The following ZNF99 variants were observed in gnomAD, a reference collection of about 807,000 sequenced individuals.
ZNF99 encodes the protein zinc finger protein ENSP00000375192.
ZNF99 carries 8 observed loss-of-function variants against 12.8 expected under a neutral mutation model. The observed-to-expected ratio is 0.62, with a 90% CI of 0.37 to 1.13. The LOEUF is 1.13. ZNF99 is among the 50% of genes most tolerant of loss of function. ZNF99 has a pLI of 0.02. For missense variants in ZNF99, 1,007 were observed against 1,006.2 expected, an observed-to-expected ratio of 1.00 and a Z score of -0.01; for synonymous variants, 318 against 319.0, an observed-to-expected ratio of 1.00 and a Z score of 0.03.
In ZNF99 at chr19:22,752,810, AT is replaced by A. The variant is rs764470153; in HGVS notation, c.*4503del. The A allele has an allele frequency of 3.9e-5, 6 of 152,190 alleles. No individual in the cohort carries two copies. Among genetic ancestry groups the A allele is most frequent in the Non-Finnish European group, 7.4e-5 (5 of 67,990 alleles). The allele number at this position is 152,190 out of a possible 1,614,324, so 9.4% of individuals were successfully genotyped here. Reference sequence around the variant, plus strand: ...GCACAACTAATATAATACATCACTAATTTAATTTTAATTTTAACTAAAATTT... The same window carrying A: ...GCACAACTAATATAATACATCACTAATTAATTTTAATTTTAACTAAAATTT... On this transcript the variant is annotated 3_prime_UTR_variant, in exon 4 of 4. Transcript: ENST00000596209.
intron 1 of ZNF99, chr19:22,769,847 A>G: frequency 1.5e-6 from 2 of 1,316,144 alleles, no homozygotes; most frequent in Non-Finnish European, 2.0e-6. Flanking sequence ...CAGAAGATCC[A>G]CAACACCAGC....
In ZNF99 at chr19:22,756,624, C is replaced by A. The variant is rs191061145; in HGVS notation, c.*690G>T. ...CTTTGCCACATTCTTCACATTTGTACGGTTTCTCCCCAGTATGAATTATCT... is the reference window on the plus strand; with the variant it reads ...CTTTGCCACATTCTTCACATTTGTAAGGTTTCTCCCCAGTATGAATTATCT... On this transcript the variant is annotated 3_prime_UTR_variant, in exon 4 of 4. Transcript: ENST00000596209. 1.9e-6 allele frequency: 3 copies of A among 1,575,464 alleles called. No homozygotes were observed. The highest frequency in any genetic ancestry group is 2.6e-6 in the Non-Finnish European group (3 of 1,165,000).
At chr19:22,767,389 CAAAT>C (rs2082197343) in intron 3 of ZNF99, among the ~76,000 whole-genome samples, 2 of 152,028 alleles carry the variant, frequency 1.3e-5, no homozygotes, top group Admixed American at 6.6e-5. Flanking sequence ...AGCACTGAGT[CAAAT>C]AGTCTGTAAG....
rs369826412 is a variant in ZNF99 at position 22,764,949 on chromosome 19, T to C, written c.226+3356A>G. Among the ~76,000 whole-genome samples the C allele has an allele frequency of 9.2e-5, 14 of 152,268 alleles. No homozygotes were observed. In the South Asian group the frequency reaches 2.7e-3, roughly 29 times the overall value. On this transcript the variant is annotated intron_variant, in intron 3 of 3. Transcript: ENST00000596209. Reference sequence around the variant, plus strand: ...GTGGAGATTCCTAAAGAACTAAAAGTTGTACTACCATTTGATCCAGCAATC... The same window carrying C: ...GTGGAGATTCCTAAAGAACTAAAAGCTGTACTACCATTTGATCCAGCAATC...
chr19:22,761,206 C>T (rs1342736079), intron 3 of ZNF99, among the ~76,000 whole-genome samples: 1 of 151,690 alleles, frequency 6.6e-6, no homozygotes, highest in Non-Finnish European at 1.5e-5. Context: ...GGAACACAGA[C>T]CACTATAAAA....
At position 22,754,551 on chromosome 19, in the gene ZNF99, CT is replaced by C. The variant is rs756786421; in HGVS notation, c.*2762del. The C allele has an allele frequency of 4.7e-6, 2 of 426,774 alleles. No homozygotes were observed. The highest frequency in any genetic ancestry group is 3.5e-5 in the South Asian group (2 of 57,670). The allele number at this position is 426,774 out of a possible 1,614,324, so 26.4% of individuals were successfully genotyped here. On this transcript the variant is annotated 3_prime_UTR_variant, in exon 4 of 4. Transcript: ENST00000596209. ...GTATGAGTTGAAGACCAGTTAAAGA[CT>C]TTGTTACATTCTTCACATTTGTCGG...
intron 3 of ZNF99, among the ~76,000 whole-genome samples, chr19:22,760,323 A>T (rs16999598): frequency 6.6e-6 from 1 of 152,152 alleles, no homozygotes; most frequent in African/African-American, 2.4e-5. Context: ...CCATCTCCTG[A>T]TTTCATTTCT....
chr19:22,770,012 A>G, intron 1 of ZNF99: 1 of 1,346,150 alleles, frequency 7.4e-7, no homozygotes, highest in Non-Finnish European at 9.9e-7. Context: ...CTCAAATTTT[A>G]ATGTGTACAA....
At chr19:22,766,431 T>C (rs35425009) in intron 3 of ZNF99, among the ~76,000 whole-genome samples, 52,788 of 150,398 alleles carry the variant, frequency 0.35, 9,784 homozygotes, top group African/African-American at 0.5. Context: ...CCTACGCCTC[T>C]GGGTTCAAGT....
chr19:22,779,182 A>AG (rs1353283133), intron 1 of ZNF99, among the ~76,000 whole-genome samples: 1 of 152,130 alleles, frequency 6.6e-6, no homozygotes, highest in Non-Finnish European at 1.5e-5. Flanking sequence ...CCTATCACAT[A>AG]GCCAGACACA....
In ZNF99 at chr19:22,754,427, ATTATC is replaced by A. The variant is rs1568380739; in HGVS notation, c.*2882_*2886del. On this transcript the variant is annotated 3_prime_UTR_variant, in exon 4 of 4. Transcript: ENST00000596209. ...TTTGTAGAATTTCTCTACAACATAA[ATTATC>A]TTATGTGTAATAAGGGTTGAAATGT... 7 of 404,504 alleles carry A rather than the reference ATTATC, an allele frequency of 1.7e-5. No homozygotes were observed. The highest frequency in any genetic ancestry group is 3.2e-5 in the Admixed American group (1 of 31,516). 25.1% of individuals were successfully genotyped at this position (404,504 alleles called of 1,614,324 possible).
chr19:22,761,734 T>A (rs1024586947), intron 3 of ZNF99, among the ~76,000 whole-genome samples: 1 of 152,156 alleles, frequency 6.6e-6, no homozygotes, highest in Non-Finnish European at 1.5e-5. Flanking sequence ...GACCGTATGA[T>A]AAGCCACAAA....
chr19:22,772,320 T>G (rs961722616), intron 1 of ZNF99, among the ~76,000 whole-genome samples: 6 of 152,170 alleles, frequency 3.9e-5, no homozygotes, highest in African/African-American at 1.4e-4. Context: ...TAGTGTCCAG[T>G]GTGGCATTAT....
intron 3 of ZNF99, among the ~76,000 whole-genome samples, chr19:22,761,804 G>A (rs758180022): frequency 6.6e-5 from 10 of 152,050 alleles, no homozygotes; most frequent in Admixed American, 1.3e-4. Context: ...AGACCACAGT[G>A]GAATAAAAGT....
chr19:22,782,647 C>A lies in ZNF99; in HGVS notation c.3+1367G>T, dbSNP rs9676559. Among the ~76,000 whole-genome samples the A allele has an allele frequency of 4.0e-3, 589 of 148,918 alleles. 8 individuals carry two copies. Among genetic ancestry groups the A allele is most frequent in the African/African-American group, 0.014 (561 of 40,278 alleles). ...AAAGTGCTGGGATTACAGGCATGAA[C>A]CACCGCACCTGGCCTTTTTTTTTTT... On this transcript the variant is annotated intron_variant, in intron 1 of 3. Coordinates refer to ENST00000596209, the MANE Select transcript of ZNF99 (RefSeq NM_001080409.3).
chr19:22,783,257 G>C (rs2145164276), intron 1 of ZNF99, among the ~76,000 whole-genome samples: 1 of 152,038 alleles, frequency 6.6e-6, no homozygotes, highest in Admixed American at 6.5e-5. Context: ...TCCAGCCTGG[G>C]CAACAAGAAC....
Position 22,769,261 on chromosome 19 carries a change from T to C in ZNF99, c.67A>G (p.Met23Val), listed in dbSNP as rs367586125. 2 of 1,610,520 alleles carry C rather than the reference T, an allele frequency of 1.2e-6. No homozygotes were observed. Among genetic ancestry groups the C allele is most frequent in the East Asian group, 4.5e-5 (2 of 44,724 alleles). The stretch of plus-strand genomic sequence containing the variant: ...TTCCTATATAAATTCTGCTGAGCCA[T>C]GTCCAGGCATTGCCACTCCTCCAGA... ...FALEEWQCLD[M>V]AQQNLYRNVM... The change falls in exon 2 of 4, where the codon ATG becomes GTG. Residue 23 changes from methionine (M) to valine (V), a missense_variant. By Grantham distance (21) the Met-to-Val change is conservative. Coordinates refer to ENST00000596209, the MANE Select transcript of ZNF99 (RefSeq NM_001080409.3).
chr19:22,760,884 TAAAA>T (rs5827535), intron 3 of ZNF99, among the ~76,000 whole-genome samples: 1 of 118,278 alleles, frequency 8.5e-6, no homozygotes. Context: ...ATTCTTTATC[TAAAA>T]AAAAAAAAAA....
chr19:22,779,598 T>G (rs903936387), intron 1 of ZNF99, among the ~76,000 whole-genome samples: 18 of 152,312 alleles, frequency 1.2e-4, no homozygotes, highest in African/African-American at 4.1e-4. Context: ...AAAATATTTC[T>G]TAATCAAACA....
Sources: allele counts gnomAD v4.1 joint callset (sites outside exome capture counted in the v4.1 genomes callset), GRCh38; gene constraint gnomAD v4.1.1; transcripts MANE v1.5; gene names NCBI Gene and HGNC (gene_info 2026-07-23, HGNC 2026-07-21).